Variants in PMM1 observed in about 807,000 individuals in gnomAD.
PMM1 encodes phosphomannomutase 1.
In PMM1, 25 loss-of-function variants were observed where a neutral mutation model predicts 34.0. The ratio of observed to expected loss-of-function variants is 0.73; its 90% CI spans 0.54 to 1.03. The LOEUF (loss-of-function observed/expected upper bound fraction) is 1.03, where lower values mean the gene tolerates loss of function less well. PMM1 is among the 50% of genes least tolerant of loss of function. The pLI is 0.00. For synonymous variants in PMM1, 134 were observed against 143.9 expected (o/e 0.93, Z 0.49); for missense variants, 321 against 350.1 (o/e 0.92, Z 0.66).
chr22:41,586,090 C>A lies in PMM1; in HGVS notation c.191G>T (p.Gly64Val). The change falls in exon 2 of 8, where the codon GGT becomes GTT. Residue 64 changes from glycine (G) to valine (V), a missense_variant. Coordinates refer to ENST00000216259, the MANE Select transcript of PMM1 (RefSeq NM_002676.3). ...CTCACTCCTACCTTCATCCCCGTCA[C>A]CCAGCTGCTCAGCGATCTTACAGTA... ...SDYCKIAEQL[G>V]DGDEVIEKFD... 5.0e-6 allele frequency: 8 copies of A among 1,608,676 alleles called. No homozygotes were observed. Among genetic ancestry groups the A allele is most frequent in the Non-Finnish European group, 6.8e-6 (8 of 1,177,810 alleles).
chr22:41,586,762 G>C (rs1171588446), intron 1 of PMM1, among the ~76,000 whole-genome samples: 1 of 151,032 alleles, frequency 6.6e-6, no homozygotes, highest in Non-Finnish European at 1.5e-5. Context: ...ATCCGCCTGG[G>C]CCTCCCAAAG....
chr22:41,583,784 G>C (rs1281240693), intron 5 of PMM1, among the ~76,000 whole-genome samples, 175 bp downstream of exon 5: 2 of 152,146 alleles, frequency 1.3e-5, no homozygotes, highest in Non-Finnish European at 2.9e-5. Context: ...AGGGGGACCA[G>C]CAGCATTGTA....
Position 41,589,786 on chromosome 22 carries a change from G to A in PMM1, c.20C>T (p.Ala7Val), listed in dbSNP as rs1278202349. 6.2e-7 allele frequency: 1 copy of A among 1,608,906 alleles called. No individual in the cohort carries two copies. Among genetic ancestry groups the A allele is most frequent in the African/African-American group, 1.3e-5 (1 of 75,024 alleles). Residue 7 changes from alanine (A) to valine (V), a missense_variant, in exon 1 of 8, where the codon GCA becomes GTA. Coordinates refer to ENST00000216259, the MANE Select transcript of PMM1 (RefSeq NM_002676.3). ...GAGGACGCGCTCCTTCCTGCGGGCT[G>A]CCTGGGCGGTGACTGCCATGGCTGC... is the stretch of plus-strand genomic sequence containing the variant. Reference protein sequence around the residue: MAVTAQAARRKERVLCL... With the variant: MAVTAQVARRKERVLCL...
At position 41,577,935 on chromosome 22, in the gene PMM1, G is replaced by A. The variant is rs374899920; in HGVS notation, c.551-12C>T. On this transcript the variant is annotated splice_polypyrimidine_tract_variant and intron_variant, in intron 6 of 7. Coordinates refer to ENST00000216259, the MANE Select transcript of PMM1 (RefSeq NM_002676.3). ...GCTGATCATGCCTCCTGTGGGCAGGGGTGGGGACTGTTATTCCCTGCTGGG... is the reference window on the plus strand; with the variant it reads ...GCTGATCATGCCTCCTGTGGGCAGGAGTGGGGACTGTTATTCCCTGCTGGG... 4.4e-6 allele frequency: 7 copies of A among 1,591,534 alleles called. No homozygotes were observed. The highest frequency in any genetic ancestry group is 6.0e-6 in the Non-Finnish European group (7 of 1,160,310).
At chr22:41,584,779 C>T (rs1465105170) in intron 2 of PMM1, 176 bp from the exon 3 acceptor site, 2 of 584,296 alleles carry the variant, frequency 3.4e-6, no homozygotes, top group Non-Finnish European at 6.1e-6. Context: ...GCTTGGTTTT[C>T]TTCCAAAGAA....
At chr22:41,585,958 A>G in intron 2 of PMM1, 118 bp downstream of exon 2, 1 of 761,272 alleles carries the variant, frequency 1.3e-6, no homozygotes, top group East Asian at 2.7e-5. Flanking sequence ...TCAGTAAGGG[A>G]ACTATCTGGC....
rs1397213663 is a variant in PMM1, at chr22:41,586,123, C to T, written c.158G>A (p.Gly53Asp). 1 of 1,608,862 alleles carries T rather than the reference C, an allele frequency of 6.2e-7. No individual in the cohort carries two copies. Among genetic ancestry groups the T allele is most frequent in the Non-Finnish European group, 8.5e-7 (1 of 1,178,026 alleles). ...RSRVQIGVVGGSDYCKIAEQL... is the reference protein window; with the variant it reads ...RSRVQIGVVGDSDYCKIAEQL... ...CTCAGCGATCTTACAGTAGTCAGAGCCGCCCACCACACCGATCTGCACTCT... is the reference window on the plus strand; with the variant it reads ...CTCAGCGATCTTACAGTAGTCAGAGTCGCCCACCACACCGATCTGCACTCT... Residue 53 changes from glycine to aspartate, a missense_variant, in exon 2 of 8, where the codon GGC (glycine) becomes GAC (aspartate). Transcript: ENST00000216259.
intron 1 of PMM1, among the ~76,000 whole-genome samples, chr22:41,587,028 G>A (rs1315237610): frequency 1.2e-4 from 18 of 151,220 alleles, no homozygotes; most frequent in African/African-American, 4.1e-4. Flanking sequence ...AGCACTTTGG[G>A]AGGCCGAGGC....
chr22:41,584,694 C>A, intron 2 of PMM1, 91 bp from the exon 3 acceptor site: 2 of 911,106 alleles, frequency 2.2e-6, no homozygotes, highest in Non-Finnish European at 1.7e-6. Context: ...AAGCCTACAC[C>A]CTTGGTTTCA....
chr22:41,588,907 A>G (rs1035553132), intron 1 of PMM1: 5 of 1,182,854 alleles, frequency 4.2e-6, no homozygotes, highest in South Asian at 1.5e-5. Context: ...CAGGGAGGGC[A>G]TGAATGAAGC....
intron 5 of PMM1, 167 bp from the exon 6 acceptor site, chr22:41,579,048 T>A (rs1394934812): frequency 5.0e-6 from 3 of 603,730 alleles, no homozygotes; most frequent in South Asian, 1.8e-5. Context: ...TTGGTCAAGG[T>A]CACCTAGCCC....
At chr22:41,584,415 T>C in intron 3 of PMM1, 43 bp from the exon 4 acceptor site, 1 of 1,594,262 alleles carries the variant, frequency 6.3e-7, no homozygotes, top group Non-Finnish European at 8.6e-7. Flanking sequence ...CTGGGCTGCC[T>C]GACCCTGAGA....
chr22:41,584,356 A>C lies in PMM1; in HGVS notation c.299T>G (p.Leu100Arg). 6.2e-7 allele frequency: 1 copy of C among 1,614,094 alleles called. No homozygotes were observed. The highest frequency in any genetic ancestry group is 1.3e-5 in the African/African-American group (1 of 75,044). The change falls in exon 4 of 8, where the codon CTG becomes CGG. Residue 100 changes from leucine (L) to arginine (R), a missense_variant. Coordinates refer to ENST00000216259, the MANE Select transcript of PMM1 (RefSeq NM_002676.3). ...CAAGTCCTGCAGCAGCTCCTCCCCC[A>C]GGTGGTTCTGGATGGTCTGGCCAAG... is the stretch of plus-strand genomic sequence containing the variant. ...LLSKQTIQNH[L>R]GEELLQDLIN... is the part of the protein sequence containing the mutation.
In PMM1 at chr22:41,584,077, G is replaced by C; in HGVS notation, c.375-19C>G. 6.3e-7 allele frequency: 1 copy of C among 1,583,136 alleles called. No homozygotes were observed. Among genetic ancestry groups the C allele is most frequent in the Non-Finnish European group, 8.7e-7 (1 of 1,152,088 alleles). On this transcript the variant is annotated intron_variant, in intron 4 of 7. Coordinates refer to ENST00000216259, the MANE Select transcript of PMM1 (RefSeq NM_002676.3). Reference sequence around the variant, plus strand: ...GGTTCCACTGGTGGTGAGGGAGGGCGGGGAGCCAGAGAGAACCAGAACGGC... The same window carrying C: ...GGTTCCACTGGTGGTGAGGGAGGGCCGGGAGCCAGAGAGAACCAGAACGGC...
In PMM1 at chr22:41,577,026, C is replaced by A; in HGVS notation, c.*292G>T. On this transcript the variant is annotated 3_prime_UTR_variant, in exon 8 of 8. Transcript: ENST00000216259. ...TCGTACCGATACTTGAGCACGCCTC[C>A]TCCTGGTGCAGAAAGAAACCTCTTC... 1 of 470,212 alleles carries A rather than the reference C, an allele frequency of 2.1e-6. No individual in the cohort carries two copies. Among genetic ancestry groups the A allele is most frequent in the Non-Finnish European group, 3.9e-6 (1 of 254,092 alleles). The allele number at this position is 470,212 out of a possible 1,614,324, so 29.1% of individuals were successfully genotyped here. A position where few individuals can be genotyped will look rare whatever the true frequency, so the allele number is the denominator to read the frequency against.
intron 2 of PMM1, 75 bp from the exon 3 acceptor site, chr22:41,584,678 G>C: frequency 9.2e-7 from 1 of 1,082,978 alleles, no homozygotes; most frequent in East Asian, 2.4e-5. Context: ...CAAGTAAAGA[G>C]AGAGGAAGCC....
intron 5 of PMM1, 100 bp downstream of exon 5, chr22:41,583,859 G>C (rs2067274215): frequency 1.2e-6 from 1 of 803,340 alleles, no homozygotes; most frequent in Non-Finnish European, 2.2e-6. Context: ...AGTTAAATCA[G>C]AACACATCCC....
At chr22:41,582,884 A>G (rs2067261968) in intron 5 of PMM1, among the ~76,000 whole-genome samples, 1 of 152,092 alleles carries the variant, frequency 6.6e-6, no homozygotes. Flanking sequence ...AAAGGTCTGG[A>G]TGGGTGGATT....
intron 5 of PMM1, chr22:41,579,220 G>T (rs1306074758): frequency 6.9e-6 from 2 of 289,588 alleles, no homozygotes; most frequent in African/African-American, 2.1e-5. Context: ...GGCAGGGCTC[G>T]ATCCTGTTAT....
Sources: allele counts gnomAD v4.1 joint callset (sites outside exome capture counted in the v4.1 genomes callset), GRCh38; gene constraint gnomAD v4.1.1; transcripts MANE v1.5; gene names NCBI Gene and HGNC (gene_info 2026-07-23, HGNC 2026-07-21).